The following GAREM1 variants were observed in gnomAD, a reference collection of about 807,000 sequenced individuals.
GAREM1 encodes the protein GRB2-associated and regulator of MAPK protein 1.
GAREM1 carries 26 observed loss-of-function variants against 71.3 expected under a neutral mutation model. The ratio of observed to expected loss-of-function variants is 0.36; its 90% CI spans 0.27 to 0.51. The LOEUF is 0.51. GAREM1 is among the 20% of genes least tolerant of loss of function. The pLI, the probability that GAREM1 is intolerant of heterozygous loss-of-function variation, is 0.95. For synonymous variants in GAREM1, 440 were observed against 433.2 expected, an observed-to-expected ratio of 1.02 and a Z score of -0.20; for missense variants, 1,026 against 1,103.1, an observed-to-expected ratio of 0.93 and a Z score of 0.99.
In GAREM1 at chr18:32,287,822, G is replaced by A. The variant is rs777784471; in HGVS notation, c.775C>T (p.Pro259Ser). The A allele has an allele frequency of 3.1e-6, 5 of 1,613,870 alleles. No individual in the cohort carries two copies. In the Admixed American group the frequency reaches 8.3e-5, roughly 27 times the overall value. The change falls in exon 4 of 6, where the codon CCA becomes TCA. Residue 259 changes from proline to serine, a missense_variant. Pro to Ser is a moderately conservative substitution (Grantham distance 74). Coordinates refer to ENST00000269209, the MANE Select transcript of GAREM1 (RefSeq NM_001242409.2). This position sits in a 1 kb window ranked among gnomAD's most constrained non-coding sequence, Gnocchi z 5.9. ...TCACGGATGAAGTGGAGGTCGTATG[G>A]GTTTCTCGGTGGAGGGCTTGGCACA... ...VTVPSPPPRN[P>S]YDLHFIREGH...
intron 2 of GAREM1, among the ~76,000 whole-genome samples, chr18:32,312,494 A>G (rs2047334609): frequency 6.6e-6 from 1 of 152,206 alleles, no homozygotes; most frequent in Admixed American, 6.5e-5. Flanking sequence ...AGGGCAGCAG[A>G]AGAGCTGGGC....
chr18:32,430,513 C>T lies in GAREM1; in HGVS notation c.122-37478G>A, dbSNP rs1469903473. Among the ~76,000 whole-genome samples, 3 of 152,142 alleles carry T rather than the reference C, an allele frequency of 2.0e-5. No individual in the cohort carries two copies. In the East Asian group the frequency reaches 5.8e-4, roughly 29 times the overall value. On this transcript the variant is annotated intron_variant, in intron 1 of 5. Transcript: ENST00000269209. Reference sequence around the variant, plus strand: ...AGGAAGGGAGTCTCAGTCTGGAGATCCACAGCCTTTTAAGGATTCTTCAAG... The same window carrying T: ...AGGAAGGGAGTCTCAGTCTGGAGATTCACAGCCTTTTAAGGATTCTTCAAG...
intron 2 of GAREM1, among the ~76,000 whole-genome samples, chr18:32,338,128 G>A (rs2047616168): frequency 6.6e-6 from 1 of 152,164 alleles, no homozygotes; most frequent in Admixed American, 6.5e-5. Flanking sequence ...AGGAAGGAAT[G>A]GACTGCAAAC....
intron 4 of GAREM1, among the ~76,000 whole-genome samples, chr18:32,285,312 T>C (rs2047002017): frequency 6.6e-6 from 1 of 152,176 alleles, no homozygotes; most frequent in Admixed American, 6.5e-5. Context: ...AGGAAAGCTC[T>C]GCAGCAATGA....
intron 1 of GAREM1, among the ~76,000 whole-genome samples, chr18:32,420,900 T>C (rs1260706322): frequency 1.3e-5 from 2 of 152,196 alleles, no homozygotes; most frequent in Non-Finnish European, 2.9e-5. Flanking sequence ...CACCTCAGAC[T>C]GTTCTCACTT....
chr18:32,401,448 A>G (rs953606734), intron 1 of GAREM1, among the ~76,000 whole-genome samples: 1 of 152,090 alleles, frequency 6.6e-6, no homozygotes, highest in African/African-American at 2.4e-5. Flanking sequence ...ATGGTCTTAA[A>G]AAGAAAAAAA....
At position 32,424,161 on chromosome 18, in the gene GAREM1, G is replaced by A. The variant is rs1282342857; in HGVS notation, c.122-31126C>T. ...CCCCACCAGCCAGAAAAAAAAAAAA[G>A]CAAGTGTCTCACAGGAGTACTTCCA... On this transcript the variant is annotated intron_variant, in intron 1 of 5. Transcript: ENST00000269209. Among the ~76,000 whole-genome samples, 10 of 151,160 alleles carry A rather than the reference G, an allele frequency of 6.6e-5. No individual in the cohort carries two copies. The East Asian group carries it at 1.7e-3, about 26-fold the overall frequency.
At chr18:32,402,375 G>T (rs2048323056) in intron 1 of GAREM1, among the ~76,000 whole-genome samples, 1 of 151,818 alleles carries the variant, frequency 6.6e-6, no homozygotes, top group Admixed American at 6.6e-5. Flanking sequence ...TTAACACTAG[G>T]ATAACTAGAA....
At chr18:32,289,991 T>TG (rs1555631588) in intron 3 of GAREM1, among the ~76,000 whole-genome samples, 38 of 151,780 alleles carry the variant, frequency 2.5e-4, no homozygotes, top group African/African-American at 3.6e-4. Flanking sequence ...AGGTTTTTTT[T>TG]TGTGTGTGTG....
intron 2 of GAREM1, among the ~76,000 whole-genome samples, chr18:32,314,641 T>G (rs1454634251): frequency 6.6e-6 from 1 of 151,060 alleles, no homozygotes; most frequent in Non-Finnish European, 1.5e-5. Context: ...CAGGCTGGAG[T>G]GCAATGCTGC....
intron 1 of GAREM1, among the ~76,000 whole-genome samples, chr18:32,407,909 C>T (rs936266664): frequency 2.0e-5 from 3 of 151,914 alleles, no homozygotes; most frequent in Non-Finnish European, 2.9e-5. Flanking sequence ...TTAAATATTG[C>T]AATGCCTGCA....
chr18:32,468,230 C>T (rs2049016484), intron 1 of GAREM1, among the ~76,000 whole-genome samples: 2 of 152,316 alleles, frequency 1.3e-5, no homozygotes, highest in South Asian at 4.2e-4. Context: ...TTCATTACAT[C>T]ACAATTTTTA....
intron 4 of GAREM1, among the ~76,000 whole-genome samples, chr18:32,270,883 T>C (rs2041450860): frequency 6.7e-6 from 1 of 150,300 alleles, no homozygotes; most frequent in South Asian, 2.1e-4. Context: ...CCTTCTGAAG[T>C]CATGTTCAGG....
intron 4 of GAREM1, among the ~76,000 whole-genome samples, chr18:32,274,170 G>C (rs527988423): frequency 6.6e-6 from 1 of 152,184 alleles, no homozygotes; most frequent in Non-Finnish European, 1.5e-5. Flanking sequence ...CTTAAGGGAA[G>C]AATTACATGC....
chr18:32,418,691 G>A (rs553578403), intron 1 of GAREM1, among the ~76,000 whole-genome samples: 43 of 152,154 alleles, frequency 2.8e-4, no homozygotes, highest in African/African-American at 9.2e-4. Context: ...CAATAAGATC[G>A]AACTGGGGGT....
chr18:32,328,266 T>C (rs1035680472), intron 2 of GAREM1, among the ~76,000 whole-genome samples: 1 of 152,208 alleles, frequency 6.6e-6, no homozygotes, highest in African/African-American at 2.4e-5. Context: ...TGATTTAGGA[T>C]GGCATATTTA....
chr18:32,350,398 A>T (rs1321896571), intron 2 of GAREM1, among the ~76,000 whole-genome samples: 1 of 152,210 alleles, frequency 6.6e-6, no homozygotes, highest in Non-Finnish European at 1.5e-5. Context: ...TAATGTATCC[A>T]ACTGAAGGAT....
At chr18:32,353,372 A>C (rs2047772332) in intron 2 of GAREM1, among the ~76,000 whole-genome samples, 1 of 152,200 alleles carries the variant, frequency 6.6e-6, no homozygotes, top group East Asian at 1.9e-4. Context: ...CAAGGCAGCT[A>C]CTCAATGTCT....
intron 1 of GAREM1, among the ~76,000 whole-genome samples, chr18:32,460,260 A>C (rs1314301620): frequency 6.6e-6 from 1 of 152,168 alleles, no homozygotes; most frequent in Non-Finnish European, 1.5e-5. Context: ...TCCTCTCAAC[A>C]CTATATAACC....
Sources: gnomAD v4.1 joint callset for allele counts (sites outside exome capture counted in the v4.1 genomes callset) on GRCh38, gnomAD v4.1.1 for gene constraint, Gnocchi (gnomAD v3.1) non-coding constraint, MANE v1.5 for transcripts, NCBI Gene and HGNC (gene_info 2026-07-23, HGNC 2026-07-21) for gene names.